The following DISP1 variants were observed in gnomAD, a reference collection of about 807,000 sequenced individuals.
The protein encoded by DISP1 is protein dispatched homolog 1.
Under a neutral mutation model 37.3 loss-of-function variants are expected in DISP1, and 30 were observed. The ratio of observed to expected loss-of-function variants is 0.80; its 90% CI spans 0.60 to 1.09. DISP1 has a LOEUF of 1.09. Ranked by LOEUF, DISP1 falls within the 50% of genes least tolerant of loss-of-function variation. DISP1 has a pLI of 0.00. For missense variants in DISP1, 1,598 were observed against 1,879.5 expected (o/e 0.85, Z 2.77); for synonymous variants, 634 against 690.2 (o/e 0.92, Z 1.28).
rs1676454576 is a variant in DISP1 at position 222,966,056 on chromosome 1, A to G, written c.510-17024A>G. ...AATGGATGGATGGATGGATGGATGG[A>G]TAGATAGAGATATTCTGTCAAACCA... On this transcript the variant is annotated intron_variant, in intron 3 of 8. Transcript: ENST00000675850. Among the ~76,000 whole-genome samples the G allele has an allele frequency of 1.3e-5, 2 of 152,088 alleles. 1 individual carries two copies. The highest frequency in any genetic ancestry group is 2.9e-5 in the Non-Finnish European group (2 of 68,016).
intron 3 of DISP1, among the ~76,000 whole-genome samples, chr1:222,945,164 A>G (rs947824724): frequency 6.6e-6 from 1 of 152,204 alleles, no homozygotes; most frequent in African/African-American, 2.4e-5. Flanking sequence ...AGAAAGAAAG[A>G]GTGAGGAGGG....
intron 3 of DISP1, among the ~76,000 whole-genome samples, chr1:222,952,462 TTTGTTG>T (rs1005036817): frequency 1.3e-5 from 2 of 152,272 alleles, no homozygotes; most frequent in South Asian, 2.1e-4. Flanking sequence ...TGAATACTTT[TTTGTTG>T]TTGTTGTTGT....
intron 3 of DISP1, among the ~76,000 whole-genome samples, chr1:222,962,463 T>C (rs1268918329): frequency 6.6e-6 from 1 of 152,134 alleles, no homozygotes; most frequent in African/African-American, 2.4e-5. Flanking sequence ...GAACACCCTG[T>C]ATAGCCAAGA....
intron 1 of DISP1, among the ~76,000 whole-genome samples, chr1:222,858,570 C>T (rs544492471): frequency 6.6e-6 from 1 of 152,074 alleles, no homozygotes; most frequent in Non-Finnish European, 1.5e-5. Flanking sequence ...AAAATTTTTG[C>T]ACTCTATCCA....
chr1:222,939,957 C>T (rs1223334720), intron 2 of DISP1, among the ~76,000 whole-genome samples: 1 of 151,842 alleles, frequency 6.6e-6, no homozygotes, highest in African/African-American at 2.4e-5. Flanking sequence ...GATCCCGTCT[C>T]TACTAAAAAA....
At chr1:222,903,607 G>A (rs892302881) in intron 1 of DISP1, among the ~76,000 whole-genome samples, 21 of 152,048 alleles carry the variant, frequency 1.4e-4, no homozygotes, top group Admixed American at 6.6e-5. Context: ...CCTTTGTGAT[G>A]AGAGGGAAAA....
At chr1:222,913,343 A>G (rs2125426335) in intron 1 of DISP1, among the ~76,000 whole-genome samples, 1 of 152,332 alleles carries the variant, frequency 6.6e-6, no homozygotes, top group East Asian at 1.9e-4. Context: ...TCAAAATGCT[A>G]GCTTGCATGT....
chr1:222,866,034 C>T (rs148315267), intron 1 of DISP1, among the ~76,000 whole-genome samples: 2,401 of 152,102 alleles, frequency 0.016, 65 homozygotes, highest in African/African-American at 0.055. Context: ...CTGGCCACCT[C>T]GGGTAACTGA....
chr1:223,002,568 A>G lies in DISP1; in HGVS notation c.1171A>G (p.Asn391Asp). Residue 391 changes from asparagine to aspartate, a missense_variant, in exon 9 of 9, where the codon AAT (asparagine) becomes GAT (aspartate). Coordinates refer to ENST00000675850, the MANE Select transcript of DISP1 (RefSeq NM_001377229.1). ...LLRTCAKHYQ[N>D]GTLGPDCWDM... The stretch of plus-strand genomic sequence containing the variant: ...TCGGACTTGTGCCAAACACTACCAA[A>G]ATGGCACTCTGGGGCCAGACTGCTG... 6.2e-7 allele frequency: 1 copy of G among 1,614,206 alleles called. No individual in the cohort carries two copies. The highest frequency in any genetic ancestry group is 8.5e-7 in the Non-Finnish European group (1 of 1,180,030).
chr1:222,887,505 T>TCAAAA (rs1558312435), intron 1 of DISP1, among the ~76,000 whole-genome samples: 1 of 128,432 alleles, frequency 7.8e-6, no homozygotes, highest in Admixed American at 7.4e-5. Context: ...TTTTTTTTTT[T>TCAAAA]TTTTGAGACG....
rs539043979 is a variant in DISP1, at chr1:222,873,912, C to T, written c.-158-54518C>T. Among the ~76,000 whole-genome samples the T allele has an allele frequency of 6.5e-3, 995 of 152,080 alleles. 17 individuals are homozygous for T. The highest frequency in any genetic ancestry group is 0.022 in the African/African-American group (925 of 41,496). On this transcript the variant is annotated intron_variant, in intron 1 of 8. Transcript: ENST00000675850. Reference sequence around the variant, plus strand: ...GGCATGTTTTTGCAGTGGCTGGTACCGGTTGTTCCTTTCCATGTTTAGTGC... The same window carrying T: ...GGCATGTTTTTGCAGTGGCTGGTACTGGTTGTTCCTTTCCATGTTTAGTGC...
At chr1:222,864,018 A>G (rs1055830236) in intron 1 of DISP1, among the ~76,000 whole-genome samples, 1 of 152,330 alleles carries the variant, frequency 6.6e-6, no homozygotes, top group East Asian at 1.9e-4. Context: ...GCTCATTGCT[A>G]CTAATAGCAT....
intron 1 of DISP1, among the ~76,000 whole-genome samples, chr1:222,863,950 C>T (rs558758991): frequency 6.6e-6 from 1 of 152,022 alleles, no homozygotes; most frequent in African/African-American, 2.4e-5. Flanking sequence ...TTCTGAGATG[C>T]CCTGTTTCCT....
chr1:222,840,240 A>G (rs1667508574), intron 1 of DISP1, among the ~76,000 whole-genome samples: 1 of 151,928 alleles, frequency 6.6e-6, no homozygotes, highest in Non-Finnish European at 1.5e-5. Context: ...TTGGTACAGT[A>G]TCTTGGTTTT....
chr1:222,893,450 C>A lies in DISP1; in HGVS notation c.-158-34980C>A, dbSNP rs993748660. 2.0e-5 allele frequency among the ~76,000 whole-genome samples: 3 copies of A among 152,214 alleles called. No individual in the cohort carries two copies. The highest frequency in any genetic ancestry group is 2.9e-5 in the Non-Finnish European group (2 of 68,042). On this transcript the variant is annotated intron_variant, in intron 1 of 8. Coordinates refer to ENST00000675850, the MANE Select transcript of DISP1 (RefSeq NM_001377229.1). The surrounding 1 kb of genome is among the most constrained non-coding windows in gnomAD (Gnocchi z 4.3). Reference sequence around the variant, plus strand: ...CTTGGCTCATGCTACCGGCCCGGATCCCACACCTGCCAAAGGCAAGCCAGG... The same window carrying A: ...CTTGGCTCATGCTACCGGCCCGGATACCACACCTGCCAAAGGCAAGCCAGG...
chr1:222,921,698 C>T (rs1233687421), intron 1 of DISP1, among the ~76,000 whole-genome samples: 5 of 152,044 alleles, frequency 3.3e-5, no homozygotes, highest in Non-Finnish European at 7.4e-5. Context: ...CTGTATTCTG[C>T]TTAATAAAGG....
chr1:222,856,792 C>T (rs1453422422), intron 1 of DISP1, among the ~76,000 whole-genome samples: 3 of 150,188 alleles, frequency 2.0e-5, no homozygotes, highest in African/African-American at 7.4e-5. Context: ...GCAACCTCTG[C>T]CTTCTGTTTC....
At chr1:222,831,481 T>C (rs1558281849) in intron 1 of DISP1, among the ~76,000 whole-genome samples, 1 of 152,206 alleles carries the variant, frequency 6.6e-6, no homozygotes, top group Non-Finnish European at 1.5e-5. Flanking sequence ...TTATTTCTTA[T>C]AGAATAAGGA....
intron 1 of DISP1, among the ~76,000 whole-genome samples, chr1:222,908,360 A>T (rs79525330): frequency 7.1e-6 from 1 of 141,206 alleles, no homozygotes; most frequent in Non-Finnish European, 1.6e-5. Context: ...TGTAAAAAAA[A>T]TTTTTAAAAA....
Sources: allele counts gnomAD v4.1 joint callset (sites outside exome capture counted in the v4.1 genomes callset), GRCh38; gene constraint gnomAD v4.1.1; non-coding constraint Gnocchi (gnomAD v3.1); transcripts MANE v1.5; gene names NCBI Gene and HGNC (gene_info 2026-07-23, HGNC 2026-07-21).